Variants in DNAAF4 observed in about 807,000 individuals in gnomAD.
The protein encoded by DNAAF4 is dynein axonemal assembly factor 4, also known as dynein assembly factor 4, axonemal.
In DNAAF4, 43 loss-of-function variants were observed where a neutral mutation model predicts 51.8. The observed-to-expected ratio is 0.83, with a 90% CI of 0.65 to 1.07. The LOEUF is 1.07. Among genes scored for constraint, DNAAF4 ranks in the 50% least tolerant of loss-of-function variants. DNAAF4 has a pLI of 0.00. For missense variants in DNAAF4, 581 were observed against 493.0 expected, an observed-to-expected ratio of 1.18 and a Z score of -1.69; for synonymous variants, 194 against 165.6, an observed-to-expected ratio of 1.17 and a Z score of -1.32.
At chr15:55,501,264 G>A (rs140919837) in intron 1 of DNAAF4, among the ~76,000 whole-genome samples, 7,112 of 151,536 alleles carry the variant, frequency 0.047, 571 homozygotes, top group African/African-American at 0.17. Flanking sequence ...GGGTTTCACC[G>A]TATTGGCCAA....
intron 6 of DNAAF4, among the ~76,000 whole-genome samples, chr15:55,443,819 G>A (rs2057754107): frequency 6.6e-6 from 1 of 152,138 alleles, no homozygotes; most frequent in South Asian, 2.1e-4. Flanking sequence ...ATTTTTTCAT[G>A]TATCTGTTGG....
chr15:55,445,249 G>T (rs539970965), intron 6 of DNAAF4, among the ~76,000 whole-genome samples: 13 of 151,810 alleles, frequency 8.6e-5, no homozygotes, highest in African/African-American at 3.1e-4. Context: ...GACTCTTAAC[G>T]AGCATGCTGC....
intron 5 of DNAAF4, among the ~76,000 whole-genome samples, chr15:55,466,128 T>G (rs1446574678): frequency 6.6e-6 from 1 of 152,164 alleles, no homozygotes; most frequent in Admixed American, 6.5e-5. Flanking sequence ...AAAAACTGAA[T>G]TATATTTGTA....
chr15:55,476,309 T>C (rs757254637), intron 4 of DNAAF4, among the ~76,000 whole-genome samples: 3 of 151,766 alleles, frequency 2.0e-5, no homozygotes, highest in Non-Finnish European at 4.4e-5. Context: ...CTTTACTAGA[T>C]AGGCATGGTG....
At chr15:55,490,097 C>T (rs2141583577) in intron 4 of DNAAF4, among the ~76,000 whole-genome samples, 1 of 152,158 alleles carries the variant, frequency 6.6e-6, no homozygotes, top group African/African-American at 2.4e-5. Context: ...TGGTGTTGAA[C>T]TACTGACCTC....
intron 4 of DNAAF4, among the ~76,000 whole-genome samples, chr15:55,489,298 C>T (rs1197006415): frequency 1.4e-5 from 2 of 147,134 alleles, no homozygotes; most frequent in Non-Finnish European, 3.0e-5. Flanking sequence ...CAGCTGTGAT[C>T]ATACAATAAA....
Position 55,430,720 on chromosome 15 carries a change from CA to C in DNAAF4, c.1212del (p.Ile404MetfsTer9). On this transcript the variant is annotated frameshift_variant, in exon 10 of 10. Coordinates refer to ENST00000321149, the MANE Select transcript of DNAAF4 (RefSeq NM_130810.4). LOFTEE classifies it high-confidence loss of function. ...KIDPSNKIVQ[I>X]DAEKIRNVIQ... ...ATTACATTCCGAATCTTCTCAGCATCAATTTGTACAATTTTGTTGGATGGAT... is the reference window on the plus strand; with the variant it reads ...ATTACATTCCGAATCTTCTCAGCATCATTTGTACAATTTTGTTGGATGGAT... The C allele has an allele frequency of 6.2e-7, 1 of 1,613,406 alleles. No homozygotes were observed. Among genetic ancestry groups the C allele is most frequent in the South Asian group, 1.1e-5 (1 of 91,042 alleles).
In DNAAF4 at chr15:55,502,279, G is replaced by C. The variant is rs139076032; in HGVS notation, c.-255-3695C>G. Among the ~76,000 whole-genome samples the C allele has an allele frequency of 4.7e-3, 719 of 151,844 alleles. 9 individuals carry two copies. The highest frequency in any genetic ancestry group is 0.017 in the African/African-American group (686 of 41,408). On this transcript the variant is annotated intron_variant, in intron 1 of 9. Coordinates refer to ENST00000321149, the MANE Select transcript of DNAAF4 (RefSeq NM_130810.4). ...AGTATGAGTGTTTTCAGAAAGCAAG[G>C]GTAATTCTATTGATGGAGTTCAGGA... is the stretch of plus-strand genomic sequence containing the variant.
intron 5 of DNAAF4, among the ~76,000 whole-genome samples, chr15:55,452,628 A>G (rs1198031108): frequency 6.6e-6 from 1 of 152,228 alleles, no homozygotes; most frequent in Non-Finnish European, 1.5e-5. Context: ...AAAGTTTTAC[A>G]TGCAATTTTA....
intron 7 of DNAAF4, 126 bp from the exon 8 acceptor site, chr15:55,435,184 T>G (rs1330889204): frequency 6.3e-6 from 6 of 954,772 alleles, no homozygotes; most frequent in Non-Finnish European, 4.5e-6. Context: ...GGGTAAACGT[T>G]GCCTGCACTG....
chr15:55,455,726 C>G (rs2058010656), intron 5 of DNAAF4, among the ~76,000 whole-genome samples: 1 of 152,068 alleles, frequency 6.6e-6, no homozygotes, highest in East Asian at 1.9e-4. Context: ...GCCACCATGC[C>G]CAGGCTCTAA....
chr15:55,473,971 C>T lies in DNAAF4; in HGVS notation c.406-6810G>A, dbSNP rs151104101. Among the ~76,000 whole-genome samples the T allele has an allele frequency of 3.2e-3, 477 of 151,358 alleles. 3 individuals carry two copies. The highest frequency in any genetic ancestry group is 0.028 in the East Asian group (143 of 5,114). Reference sequence around the variant, plus strand: ...CACGCCACTACACTCCAGCCTGGGTCACAGAGCAAGACTCCGTCTCAAAAA... The same window carrying T: ...CACGCCACTACACTCCAGCCTGGGTTACAGAGCAAGACTCCGTCTCAAAAA... On this transcript the variant is annotated intron_variant, in intron 4 of 9. Transcript: ENST00000321149.
At chr15:55,459,961 C>G (rs1302077979) in intron 5 of DNAAF4, among the ~76,000 whole-genome samples, 3 of 151,920 alleles carry the variant, frequency 2.0e-5, no homozygotes, top group Non-Finnish European at 4.4e-5. Context: ...CTCGGCCTCC[C>G]AAAGTGCTGG....
At chr15:55,443,396 T>C (rs2057746277) in intron 6 of DNAAF4, 2 of 618,866 alleles carry the variant, frequency 3.2e-6, no homozygotes, top group Non-Finnish European at 5.7e-6. Context: ...GCACTTGCTC[T>C]AGCCCTGGAT....
chr15:55,471,933 G>A (rs1236653729), intron 4 of DNAAF4, among the ~76,000 whole-genome samples: 2 of 152,150 alleles, frequency 1.3e-5, no homozygotes, highest in Admixed American at 6.6e-5. Context: ...TCCGCCTCTC[G>A]GGTTCAAGCA....
At chr15:55,469,474 CTTTT>C (rs1162485238) in intron 4 of DNAAF4, among the ~76,000 whole-genome samples, 12 of 66,250 alleles carry the variant, frequency 1.8e-4, no homozygotes, top group South Asian at 7.2e-4. Context: ...CTTACCAATT[CTTTT>C]TTTTTTTTTT....
chr15:55,471,126 G>C (rs961580215), intron 4 of DNAAF4, among the ~76,000 whole-genome samples: 2 of 152,102 alleles, frequency 1.3e-5, no homozygotes, highest in African/African-American at 4.8e-5. Context: ...CTCCCAAAGT[G>C]CTGGAATTAC....
downstream of DNAAF4, among the ~76,000 whole-genome samples, chr15:55,428,698 T>C (rs1404791245): frequency 6.6e-6 from 1 of 150,516 alleles, no homozygotes; most frequent in Non-Finnish European, 1.5e-5. Context: ...GGTTTCACCA[T>C]GTTAGCCAGG....
At chr15:55,464,943 G>A (rs560550148) in intron 5 of DNAAF4, among the ~76,000 whole-genome samples, 315 of 152,174 alleles carry the variant, frequency 2.1e-3, no homozygotes, top group Non-Finnish European at 3.7e-3. Context: ...CAACAAGAGC[G>A]AAATTCCATC....
Sources: allele counts gnomAD v4.1 joint callset (sites outside exome capture counted in the v4.1 genomes callset), GRCh38; gene constraint gnomAD v4.1.1; transcripts MANE v1.5; gene names NCBI Gene and HGNC (gene_info 2026-07-23, HGNC 2026-07-21).